The following HSD17B3 variants were observed in gnomAD, a reference collection of about 807,000 sequenced individuals.
The protein encoded by HSD17B3 is 17-beta-hydroxysteroid dehydrogenase type 3.
Under a neutral mutation model 41.1 loss-of-function variants are expected in HSD17B3, and 29 were observed. The observed-to-expected ratio is 0.71, with a 90% CI of 0.53 to 0.96. HSD17B3 has a LOEUF of 0.96. HSD17B3 is among the 40% of genes least tolerant of loss of function. The pLI is 0.00. For missense variants in HSD17B3, 323 were observed against 374.6 expected (o/e 0.86, Z 1.14); for synonymous variants, 126 against 145.6 (o/e 0.87, Z 0.97).
intron 2 of HSD17B3, among the ~76,000 whole-genome samples, chr9:96,275,470 C>T (rs1254157968): frequency 6.6e-6 from 1 of 151,942 alleles, no homozygotes; most frequent in African/African-American, 2.4e-5. Flanking sequence ...GTCTCAGCTA[C>T]TTGGGAGGTT....
Position 96,236,835 on chromosome 9 carries a change from A to C in HSD17B3, c.823-1265T>G, listed in dbSNP as rs1836256498. On this transcript the variant is annotated intron_variant, in intron 10 of 10. Coordinates refer to ENST00000375263, the MANE Select transcript of HSD17B3 (RefSeq NM_000197.2). ...AGGACCCCAGAAGCAATCATTTCAT[A>C]ATGATTCACAGCATAACTTTATTAA... 2.0e-5 allele frequency among the ~76,000 whole-genome samples: 3 copies of C among 152,172 alleles called. No individual in the cohort carries two copies. In the South Asian group the frequency reaches 6.2e-4, roughly 32 times the overall value.
intron 2 of HSD17B3, among the ~76,000 whole-genome samples, chr9:96,279,910 T>C (rs1212822222): frequency 6.6e-6 from 1 of 152,022 alleles, no homozygotes; most frequent in Non-Finnish European, 1.5e-5. Flanking sequence ...GCTGGGACTA[T>C]AAGCGCCCGC....
chr9:96,260,680 G>A lies in HSD17B3; in HGVS notation c.202-5737C>T, dbSNP rs187456006. 3.9e-5 allele frequency among the ~76,000 whole-genome samples: 6 copies of A among 152,198 alleles called. No homozygotes were observed. The East Asian group carries it at 5.8e-4, about 15-fold the overall frequency. ...CTCAGGAGGCTGAGGCAAGAAAATC[G>A]CTTGAATCCAGGAAGTGGAGGTTGT... On this transcript the variant is annotated intron_variant, in intron 2 of 10. Coordinates refer to ENST00000375263, the MANE Select transcript of HSD17B3 (RefSeq NM_000197.2).
At chr9:96,292,540 G>C (rs968552868) in intron 2 of HSD17B3, among the ~76,000 whole-genome samples, 1 of 151,992 alleles carries the variant, frequency 6.6e-6, no homozygotes, top group Admixed American at 6.6e-5. Flanking sequence ...TAGAGACAGG[G>C]TTTCACCATG....
intron 2 of HSD17B3, among the ~76,000 whole-genome samples, chr9:96,283,542 GT>G (rs1826789239): frequency 6.6e-6 from 1 of 152,162 alleles, no homozygotes; most frequent in South Asian, 2.1e-4. Context: ...AAAATAGTGT[GT>G]GGCTTTCTGT....
chr9:96,281,430 G>C (rs1293167504), intron 2 of HSD17B3, among the ~76,000 whole-genome samples: 2 of 152,110 alleles, frequency 1.3e-5, no homozygotes, highest in African/African-American at 4.8e-5. Context: ...TCCTAAGACA[G>C]AGCAGGTTAG....
At chr9:96,245,845 C>T (rs760172868) in intron 7 of HSD17B3, among the ~76,000 whole-genome samples, 9 of 152,198 alleles carry the variant, frequency 5.9e-5, no homozygotes, top group Non-Finnish European at 1.3e-4. Flanking sequence ...GGACAGATGT[C>T]ACATGGTGGA....
intron 2 of HSD17B3, among the ~76,000 whole-genome samples, chr9:96,287,811 A>G (rs759924485): frequency 5.3e-5 from 8 of 152,186 alleles, no homozygotes; most frequent in Non-Finnish European, 1.0e-4. Context: ...AGGAAAGAGA[A>G]AAGTGTCCAC....
chr9:96,274,431 A>G (rs1826373624), intron 2 of HSD17B3, among the ~76,000 whole-genome samples: 1 of 152,216 alleles, frequency 6.6e-6, no homozygotes, highest in Non-Finnish European at 1.5e-5. Context: ...ACTGCACTAC[A>G]GCCTGGGCGG....
chr9:96,272,405 CTATATATATATATATATA>C (rs1199705437), intron 2 of HSD17B3, among the ~76,000 whole-genome samples: 3 of 21,538 alleles, frequency 1.4e-4, no homozygotes, highest in Admixed American at 1.3e-3. Flanking sequence ...CTCTCTCTCT[CTATATATATATATATATA>C]TATATATATA....
chr9:96,275,070 T>A (rs927132781), intron 2 of HSD17B3, among the ~76,000 whole-genome samples: 1 of 151,516 alleles, frequency 6.6e-6, no homozygotes, highest in Non-Finnish European at 1.5e-5. Context: ...GAGAGTGGGA[T>A]AATATATTCA....
At chr9:96,292,121 C>T (rs896694334) in intron 2 of HSD17B3, among the ~76,000 whole-genome samples, 1 of 151,536 alleles carries the variant, frequency 6.6e-6, no homozygotes, top group African/African-American at 2.4e-5. Flanking sequence ...TGGATGGGCT[C>T]AGTAGCAGAA....
rs750614292 is a variant in HSD17B3, at chr9:96,235,559, C to T, written c.834G>A (p.Leu278=). The change falls in exon 11 of 11, where the codon CTG becomes CTA. Residue 278 remains leucine, a synonymous_variant. Coordinates refer to ENST00000375263, the MANE Select transcript of HSD17B3 (RefSeq NM_000197.2). ...CLAHEILAGF[L]SLIPAWAFYS... is the part of the protein sequence containing the mutation. The stretch of plus-strand genomic sequence containing the variant: ...AGAAGGCCCAGGCCGGGATCAGGCT[C>T]AGAAAGCCCGCCTTAAACAGAGAGA... 4.3e-6 allele frequency: 7 copies of T among 1,613,904 alleles called. No homozygotes were observed. The highest frequency in any genetic ancestry group is 4.5e-5 in the East Asian group (2 of 44,884).
chr9:96,253,679 C>T (rs901097691), intron 3 of HSD17B3, among the ~76,000 whole-genome samples: 1 of 152,126 alleles, frequency 6.6e-6, no homozygotes, highest in Non-Finnish European at 1.5e-5. Flanking sequence ...ACAGAGTTTA[C>T]CAGTGGCTTG....
chr9:96,288,984 C>T (rs1827041534), intron 2 of HSD17B3, among the ~76,000 whole-genome samples: 1 of 151,638 alleles, frequency 6.6e-6, no homozygotes, highest in Admixed American at 6.6e-5. Flanking sequence ...GTGGCACAGC[C>T]TGTAGTCCCA....
chr9:96,257,235 G>A (rs1024517906), intron 2 of HSD17B3, among the ~76,000 whole-genome samples: 6 of 151,974 alleles, frequency 3.9e-5, no homozygotes, highest in Non-Finnish European at 5.9e-5. Flanking sequence ...ACACCATCCC[G>A]ATAAAAATCT....
chr9:96,250,360 C>T (rs1836846626), intron 5 of HSD17B3: 1 of 1,074,312 alleles, frequency 9.3e-7, no homozygotes, highest in East Asian at 4.8e-5. Flanking sequence ...AGACAGAGCC[C>T]ACACAGGAGA....
In HSD17B3 at chr9:96,288,852, G is replaced by A. The variant is rs1369401062; in HGVS notation, c.201+9564C>T. Reference sequence around the variant, plus strand: ...CTGAGGAGGCTGAGGCAGGAGAATGGCGTGAACCCGGGAGGCGGAGCTCGC... The same window carrying A: ...CTGAGGAGGCTGAGGCAGGAGAATGACGTGAACCCGGGAGGCGGAGCTCGC... On this transcript the variant is annotated intron_variant, in intron 2 of 10. Transcript: ENST00000375263. 6.2e-4 allele frequency among the ~76,000 whole-genome samples: 94 copies of A among 151,778 alleles called. 1 individual carries two copies. The highest frequency in any genetic ancestry group is 8.8e-5 in the Non-Finnish European group (6 of 67,930).
Position 96,254,955 on chromosome 9 carries a change from A to T in HSD17B3, c.202-12T>A. The T allele has an allele frequency of 1.9e-6, 3 of 1,611,994 alleles. No individual in the cohort carries two copies. Among genetic ancestry groups the T allele is most frequent in the Non-Finnish European group, 2.5e-6 (3 of 1,178,622 alleles). The stretch of plus-strand genomic sequence containing the variant: ...CCACGTTTTGCTAGCTGAGAGTGGG[A>T]GTGAAAAACCAAGAGACAAGGATGA... On this transcript the variant is annotated splice_polypyrimidine_tract_variant and intron_variant, in intron 2 of 10. Transcript: ENST00000375263.
Sources: gnomAD v4.1 joint callset for allele counts (sites outside exome capture counted in the v4.1 genomes callset) on GRCh38, gnomAD v4.1.1 for gene constraint, MANE v1.5 for transcripts, NCBI Gene and HGNC (gene_info 2026-07-23, HGNC 2026-07-21) for gene names.